The following NDST1 variants were observed in gnomAD, a reference collection of about 807,000 sequenced individuals.
NDST1 encodes bifunctional heparan sulfate N-deacetylase/N-sulfotransferase 1.
In NDST1, 35 loss-of-function variants were observed where a neutral mutation model predicts 92.8. The ratio of observed to expected loss-of-function variants is 0.38; its 90% CI spans 0.29 to 0.50. The LOEUF (loss-of-function observed/expected upper bound fraction) is 0.50, where lower values mean the gene tolerates loss of function less well. NDST1 is among the 20% of genes least tolerant of loss of function. The probability of loss-of-function intolerance (pLI) is 0.94; values close to 1 mark genes in which losing one functional copy is unlikely to be tolerated. For missense variants in NDST1, 822 were observed against 1,182.7 expected, an observed-to-expected ratio of 0.69 and a Z score of 4.47; for synonymous variants, 493 against 500.3, an observed-to-expected ratio of 0.99 and a Z score of 0.19.
At position 150,539,220 on chromosome 5, in the gene NDST1, CT is replaced by C. The variant is rs1490677227; in HGVS notation, c.1438-7del. The stretch of plus-strand genomic sequence containing the variant: ...CACCATAGCTCCTCTCCCCCACCCC[CT>C]CCTCAGGTTCTCCCACGGCAGACCT... On this transcript the variant is annotated splice_polypyrimidine_tract_variant and splice_region_variant and intron_variant, in intron 6 of 14. Coordinates refer to ENST00000261797, the MANE Select transcript of NDST1 (RefSeq NM_001543.5). 20 of 1,612,452 alleles carry C rather than the reference CT, an allele frequency of 1.2e-5. No individual in the cohort carries two copies. Among genetic ancestry groups the C allele is most frequent in the Non-Finnish European group, 1.6e-5 (19 of 1,178,456 alleles).
intron 3 of NDST1, among the ~76,000 whole-genome samples, chr5:150,530,037 C>G (rs907013842): frequency 6.6e-6 from 1 of 152,164 alleles, no homozygotes; most frequent in African/African-American, 2.4e-5. Flanking sequence ...GGGCAGGTCC[C>G]CTCCCATGCC....
At chr5:150,501,742 A>G (rs186786819) in intron 1 of NDST1, among the ~76,000 whole-genome samples, 170 of 152,328 alleles carry the variant, frequency 1.1e-3, no homozygotes, top group African/African-American at 3.8e-3. Context: ...TGGGGCTGAC[A>G]TTTGAGTGGT....
At chr5:150,535,594 A>T in intron 5 of NDST1, 106 bp from the exon 6 acceptor site, 2 of 1,411,246 alleles carry the variant, frequency 1.4e-6, no homozygotes, top group Non-Finnish European at 2.0e-6. Context: ...ACCAGCAGCC[A>T]TGCCGACCTA....
intron 1 of NDST1, among the ~76,000 whole-genome samples, chr5:150,511,661 C>T (rs927811717): frequency 4.6e-5 from 7 of 152,166 alleles, no homozygotes; most frequent in East Asian, 1.9e-4. Context: ...GTCTCTTTCC[C>T]GGTGGTGGTG....
intron 1 of NDST1, among the ~76,000 whole-genome samples, chr5:150,500,032 C>T (rs1753162767): frequency 1.3e-5 from 2 of 152,158 alleles, no homozygotes; most frequent in South Asian, 2.1e-4. Flanking sequence ...TTGCTTTATC[C>T]GACAGCTCCC....
chr5:150,509,061 C>A (rs975866566), intron 1 of NDST1, among the ~76,000 whole-genome samples: 2 of 152,096 alleles, frequency 1.3e-5, no homozygotes, highest in African/African-American at 4.8e-5. Flanking sequence ...ACCTCTCATC[C>A]CCTGATGAGA....
rs1233152941 is a variant in NDST1, at chr5:150,542,920, T to C, written c.1919T>C (p.Phe640Ser). ...LSSNYPSSET[F>S]EEIQFFNGHN... is the part of the protein sequence containing the mutation. ...AGCAACTACCCCAGCTCTGAGACCT[T>C]TGAGGAGATCCAGTTTTTTAATGGC... Residue 640 changes from phenylalanine to serine, a missense_variant, in exon 10 of 15, where the codon TTT becomes TCT. Phe to Ser is a radical substitution (Grantham distance 155). Coordinates refer to ENST00000261797, the MANE Select transcript of NDST1 (RefSeq NM_001543.5). The C allele has an allele frequency of 5.0e-6, 8 of 1,613,998 alleles. No homozygotes were observed. Among genetic ancestry groups the C allele is most frequent in the Non-Finnish European group, 6.8e-6 (8 of 1,180,004 alleles).
intron 9 of NDST1, 135 bp downstream of exon 9, chr5:150,541,801 G>T: frequency 1.2e-6 from 1 of 819,726 alleles, no homozygotes; most frequent in South Asian, 1.4e-5. Flanking sequence ...AATGAAGTTG[G>T]GGTGAACACA....
intron 11 of NDST1, 42 bp from the exon 12 acceptor site, chr5:150,548,176 T>C: frequency 6.2e-7 from 1 of 1,613,506 alleles, no homozygotes; most frequent in Non-Finnish European, 8.5e-7. Context: ...ACTTCCTTTG[T>C]GTCCTCCAAG....
chr5:150,538,671 TC>T (rs1471003634), intron 6 of NDST1, among the ~76,000 whole-genome samples: 1 of 152,074 alleles, frequency 6.6e-6, no homozygotes, highest in Non-Finnish European at 1.5e-5. Context: ...TGTCCATCAG[TC>T]CATCCATCCA....
Position 150,542,751 on chromosome 5 carries a change from G to T in NDST1, c.1847-97G>T. ...GAGAAAGGCAGAGACCTTCCCAGGA[G>T]CCCCCAGTGGGTCGTGGGGAGCTAG... On this transcript the variant is annotated intron_variant, in intron 9 of 14. Coordinates refer to ENST00000261797, the MANE Select transcript of NDST1 (RefSeq NM_001543.5). The T allele has an allele frequency of 2.7e-6, 4 of 1,483,724 alleles. No individual in the cohort carries two copies. In the East Asian group the frequency reaches 9.1e-5, roughly 34 times the overall value. The allele number at this position is 1,483,724 out of a possible 1,614,324, so 91.9% of individuals were successfully genotyped here.
chr5:150,539,743 A>G, intron 7 of NDST1: 5 of 985,230 alleles, frequency 5.1e-6, no homozygotes, highest in Non-Finnish European at 6.0e-6. Context: ...TAATAATATT[A>G]AATAAACTTC....
At position 150,535,722 on chromosome 5, in the gene NDST1, T is replaced by C. The variant is rs950214043; in HGVS notation, c.1274T>C (p.Met425Thr). 3 of 1,614,152 alleles carry C rather than the reference T, an allele frequency of 1.9e-6. No homozygotes were observed. Among genetic ancestry groups the C allele is most frequent in the Non-Finnish European group, 2.5e-6 (3 of 1,180,018 alleles). Residue 425 changes from methionine (M) to threonine (T), a missense_variant, in exon 6 of 15, where the codon ATG (methionine) becomes ACG (threonine). Transcript: ENST00000261797. ...TAGGAGCATGGCATTCCCACAGACA[T>C]GGGGTATGCAGTGGCGCCCCACCAC... ...FAVEHGIPTDMGYAVAPHHSG... is the reference protein window; with the variant it reads ...FAVEHGIPTDTGYAVAPHHSG...
At chr5:150,513,012 A>G (rs1348261310) in intron 1 of NDST1, among the ~76,000 whole-genome samples, 1 of 152,076 alleles carries the variant, frequency 6.6e-6, no homozygotes, top group Non-Finnish European at 1.5e-5. Context: ...AGACCAGCCT[A>G]GGCAACATAG....
At position 150,535,873 on chromosome 5, in the gene NDST1, C is replaced by T; in HGVS notation, c.1425C>T (p.His475=). Residue 475 remains histidine (H), a synonymous_variant, in exon 6 of 15, where the codon CAC becomes CAT. Transcript: ENST00000261797. ...KPARYRRGFI[H]NGIMVLPRQT... ...CCCGCTACCGCCGTGGCTTCATCCA[C>T]AATGGCATCATGGTGAGTGGGCCCC... 1 of 1,613,568 alleles carries T rather than the reference C, an allele frequency of 6.2e-7. No individual in the cohort carries two copies. The highest frequency in any genetic ancestry group is 8.5e-7 in the Non-Finnish European group (1 of 1,179,774).
chr5:150,518,733 A>T (rs971492614), intron 1 of NDST1: 3 of 151,956 alleles, frequency 2.0e-5, no homozygotes, highest in South Asian at 4.1e-4. Context: ...CTTCTCCAAC[A>T]TATTGTAAAT....
intron 3 of NDST1, among the ~76,000 whole-genome samples, chr5:150,530,192 T>G (rs183511928): frequency 2.5e-3 from 376 of 152,332 alleles, no homozygotes; most frequent in African/African-American, 8.7e-3. Flanking sequence ...CCCTCCAGGC[T>G]CCACCTTAGT....
upstream of NDST1, among the ~76,000 whole-genome samples, chr5:150,504,341 A>G (rs1753358535): frequency 6.6e-6 from 1 of 152,166 alleles, no homozygotes; most frequent in South Asian, 2.1e-4. Flanking sequence ...TGGAGAGAGC[A>G]AGGCACTTGA....
At position 150,545,462 on chromosome 5, in the gene NDST1, G is replaced by A. The variant is rs753706748; in HGVS notation, c.2121G>A (p.Ala707=). 14 of 1,614,096 alleles carry A rather than the reference G, an allele frequency of 8.7e-6. No individual in the cohort carries two copies. The highest frequency in any genetic ancestry group is 1.2e-5 in the Non-Finnish European group (14 of 1,180,042). Reference sequence around the variant, plus strand: ...TCCTGACCATCCTCATCAACCCCGCGGACCGGGCCTATTCCTGGTACCAGG... The same window carrying A: ...TCCTGACCATCCTCATCAACCCCGCAGACCGGGCCTATTCCTGGTACCAGG... The part of the protein sequence containing the change: ...AKVLTILINP[A]DRAYSWYQHQ... The change falls in exon 11 of 15, where the codon GCG becomes GCA. Residue 707 remains alanine (A), a synonymous_variant. Coordinates refer to ENST00000261797, the MANE Select transcript of NDST1 (RefSeq NM_001543.5).
Sources: gnomAD v4.1 joint callset for allele counts (sites outside exome capture counted in the v4.1 genomes callset) on GRCh38, gnomAD v4.1.1 for gene constraint, MANE v1.5 for transcripts, NCBI Gene and HGNC (gene_info 2026-07-23, HGNC 2026-07-21) for gene names.